Variants in AOPEP observed in about 807,000 individuals in gnomAD.
AOPEP encodes aminopeptidase O.
AOPEP carries 77 observed loss-of-function variants against 98.1 expected under a neutral mutation model. The observed-to-expected ratio is 0.78, with a 90% CI of 0.65 to 0.95. AOPEP has a LOEUF of 0.95. Among genes scored for constraint, AOPEP ranks in the 40% least tolerant of loss-of-function variants. AOPEP has a pLI of 0.00. For missense variants in AOPEP, 1,024 were observed against 1,024.7 expected, an observed-to-expected ratio of 1.00 and a Z score of 0.01; for synonymous variants, 346 against 365.3, an observed-to-expected ratio of 0.95 and a Z score of 0.60.
At chr9:94,839,434 A>G (rs1459906286) in intron 5 of AOPEP, among the ~76,000 whole-genome samples, 1 of 152,102 alleles carries the variant, frequency 6.6e-6, no homozygotes, top group Non-Finnish European at 1.5e-5. Context: ...TATGTTGGCC[A>G]GGATGGTCTT....
At chr9:95,042,030 T>A (rs1422332574) in intron 13 of AOPEP, among the ~76,000 whole-genome samples, 3 of 152,188 alleles carry the variant, frequency 2.0e-5, no homozygotes, top group East Asian at 3.9e-4. Context: ...AGGATGTCAT[T>A]GGCCAGGCGC....
At chr9:95,005,995 C>G (rs1291588507) in intron 13 of AOPEP, 5 of 484,490 alleles carry the variant, frequency 1.0e-5, no homozygotes, top group Admixed American at 9.3e-5. Flanking sequence ...CTTTCTCTCA[C>G]CTAGACTTTA....
intron 2 of AOPEP, among the ~76,000 whole-genome samples, chr9:94,762,037 A>G (rs574478968): frequency 1.3e-5 from 2 of 152,250 alleles, no homozygotes; most frequent in African/African-American, 2.4e-5. Context: ...AGAAATATTT[A>G]TGGCCTCAAA....
chr9:94,731,432 T>C (rs1347632341), intron 1 of AOPEP, among the ~76,000 whole-genome samples: 1 of 152,048 alleles, frequency 6.6e-6, no homozygotes, highest in African/African-American at 2.4e-5. Context: ...TTCACTGCGT[T>C]AGCCAGGATG....
downstream of AOPEP, among the ~76,000 whole-genome samples, chr9:95,087,548 TC>T (rs11301877): frequency 0.68 from 99,315 of 145,780 alleles, 34,277 homozygotes; most frequent in Non-Finnish European, 0.73. Context: ...ATTCTGGTGT[TC>T]CCCCCCCACC....
the AOPEP span, among the ~76,000 whole-genome samples, chr9:95,136,426 T>A: frequency 6.6e-6 from 1 of 151,920 alleles, no homozygotes; most frequent in Non-Finnish European, 1.5e-5. Flanking sequence ...TATGGCCTAG[T>A]TGATGCACTG....
the AOPEP span, among the ~76,000 whole-genome samples, chr9:95,134,841 C>T: frequency 2.4e-4 from 36 of 152,324 alleles, no homozygotes; most frequent in African/African-American, 8.2e-4. Context: ...CAGGCGCCAC[C>T]GCGCAGGGGA....
chr9:95,001,579 G>T (rs1208555331), intron 11 of AOPEP, among the ~76,000 whole-genome samples: 1 of 152,146 alleles, frequency 6.6e-6, no homozygotes, highest in African/African-American at 2.4e-5. Context: ...GGGAGATTCA[G>T]GTAGACAACA....
chr9:95,032,980 G>A lies in AOPEP; in HGVS notation c.2115+27364G>A, dbSNP rs1480773979. Reference sequence around the variant, plus strand: ...GAACACTAGAGTTCATTTTAGAATGGCTGTTTTTGGGATGGCCACGTATTG... The same window carrying A: ...GAACACTAGAGTTCATTTTAGAATGACTGTTTTTGGGATGGCCACGTATTG... On this transcript the variant is annotated intron_variant, in intron 13 of 16. Transcript: ENST00000375315. 2.0e-5 allele frequency among the ~76,000 whole-genome samples: 3 copies of A among 152,302 alleles called. No homozygotes were observed. The South Asian group carries it at 6.2e-4, about 32-fold the overall frequency.
At chr9:94,948,635 C>G (rs982450279) in intron 7 of AOPEP, among the ~76,000 whole-genome samples, 2 of 152,146 alleles carry the variant, frequency 1.3e-5, no homozygotes, top group Non-Finnish European at 2.9e-5. Flanking sequence ...AGAGCTATAG[C>G]CTGTCCCTCA....
chr9:94,991,417 C>T (rs72750368), intron 11 of AOPEP, among the ~76,000 whole-genome samples: 8,722 of 152,228 alleles, frequency 0.057, 721 homozygotes, highest in African/African-American at 0.18. Context: ...GAGTGCAGTG[C>T]GTCTTCTTCT....
Position 94,923,991 on chromosome 9 carries a change from A to G in AOPEP, c.1370A>G (p.His457Arg). ...TTCTCCCCCATTATCCACAGCCCAC[A>G]CATCATGTTCCTCTCTCAGAGCATC... ...NFPSLGMASP[H>R]IMFLSQSILT... Residue 457 changes from histidine to arginine, a missense_variant, in exon 6 of 17, where the codon CAC (histidine) becomes CGC (arginine). Coordinates refer to ENST00000375315, the MANE Select transcript of AOPEP (RefSeq NM_001193329.3). 1 of 1,440,932 alleles carries G rather than the reference A, an allele frequency of 6.9e-7. No homozygotes were observed. The allele number at this position is 1,440,932 out of a possible 1,614,324, so 89.3% of individuals were successfully genotyped here.
At chr9:95,093,710 C>A in the AOPEP span, among the ~76,000 whole-genome samples, 1 of 152,166 alleles carries the variant, frequency 6.6e-6, no homozygotes, top group Admixed American at 6.5e-5. Context: ...CTGCTTTATA[C>A]ACGGAGGGTG....
At chr9:94,784,227 A>G (rs982165505) in intron 3 of AOPEP, among the ~76,000 whole-genome samples, 1 of 152,240 alleles carries the variant, frequency 6.6e-6, no homozygotes, top group African/African-American at 2.4e-5. Context: ...AATTATATTA[A>G]GTGAGTTTAT....
At chr9:94,813,952 C>T (rs796536225) in intron 5 of AOPEP, among the ~76,000 whole-genome samples, 11 of 152,302 alleles carry the variant, frequency 7.2e-5, no homozygotes, top group African/African-American at 2.2e-4. Flanking sequence ...AAAGTACACA[C>T]TCAAGAAAAG....
the AOPEP span, chr9:95,107,514 C>CTT: frequency 1.7e-6 from 1 of 582,714 alleles, no homozygotes; most frequent in Admixed American, 3.0e-5. Context: ...AGGAACTGAC[C>CTT]TTTTTTTGTA....
intron 13 of AOPEP, among the ~76,000 whole-genome samples, chr9:95,046,363 A>G (rs534998335): frequency 2.0e-3 from 307 of 152,372 alleles, no homozygotes; most frequent in African/African-American, 7.2e-3. Flanking sequence ...CTGATAGCGT[A>G]GGTACCTGAA....
intron 14 of AOPEP, among the ~76,000 whole-genome samples, chr9:95,071,366 A>G (rs991189871): frequency 3.4e-5 from 5 of 148,908 alleles, no homozygotes; most frequent in South Asian, 2.1e-4. Context: ...TGCTGAATAT[A>G]TATCTGTATC....
rs975856085 is a variant in AOPEP, at chr9:94,967,935, C to T, written c.1916+134C>T. 24 of 733,156 alleles carry T rather than the reference C, an allele frequency of 3.3e-5. 1 individual carries two copies. The highest frequency in any genetic ancestry group is 5.0e-5 in the Non-Finnish European group (21 of 419,994). The allele number at this position is 733,156 out of a possible 1,614,324, so 45.4% of individuals were successfully genotyped here. A position where few individuals can be genotyped will look rare whatever the true frequency, so the allele number is the denominator to read the frequency against. The stretch of plus-strand genomic sequence containing the variant: ...AATAGAGGCAAGGACCTAGTTCTGC[C>T]AGTGGGAGTACAGGATCATCAGCCA... On this transcript the variant is annotated intron_variant, in intron 10 of 16. Transcript: ENST00000375315.
Sources: gnomAD v4.1 joint callset for allele counts (sites outside exome capture counted in the v4.1 genomes callset) on GRCh38, gnomAD v4.1.1 for gene constraint, MANE v1.5 for transcripts, NCBI Gene and HGNC (gene_info 2026-07-23, HGNC 2026-07-21) for gene names.